The following GDA variants were observed in gnomAD, a reference collection of about 807,000 sequenced individuals.
GDA encodes cytoplasmic PSD-95 interactor.
In GDA, 18 loss-of-function variants were observed where a neutral mutation model predicts 59.6. The ratio of observed to expected loss-of-function variants is 0.30; its 90% CI spans 0.21 to 0.45. The LOEUF is 0.45. Ranked by LOEUF, GDA falls within the 20% of genes least tolerant of loss-of-function variation. GDA has a pLI of 1.00. For synonymous variants in GDA, 201 were observed against 201.1 expected (o/e 1.00, Z 0.00); for missense variants, 427 against 552.3 (o/e 0.77, Z 2.27).
intron 1 of GDA, chr9:72,194,215 A>G (rs1466977097): frequency 1.3e-5 from 2 of 152,168 alleles, no homozygotes; most frequent in East Asian, 1.9e-4. Flanking sequence ...GTCTTGCCCC[A>G]TAGCCACCAC....
chr9:72,218,040 A>AG (rs929848217), intron 5 of GDA, among the ~76,000 whole-genome samples: 7 of 151,768 alleles, frequency 4.6e-5, no homozygotes, highest in African/African-American at 1.7e-4. Context: ...CAGCCTCCCT[A>AG]GTAGCTCGGA....
At chr9:72,128,855 A>G (rs1386255968) in intron 1 of GDA, among the ~76,000 whole-genome samples, 1 of 152,008 alleles carries the variant, frequency 6.6e-6, no homozygotes, top group East Asian at 1.9e-4. Flanking sequence ...ATATACAAAT[A>G]CACTTCTCAG....
In GDA at chr9:72,249,769, G is replaced by A; in HGVS notation, c.*1427G>A. The A allele has an allele frequency of 2.3e-6, 2 of 855,970 alleles. No homozygotes were observed. Among genetic ancestry groups the A allele is most frequent in the South Asian group, 5.4e-5 (1 of 18,540 alleles). 53.0% of individuals were successfully genotyped at this position (855,970 alleles called of 1,614,324 possible). On this transcript the variant is annotated 3_prime_UTR_variant, in exon 14 of 14. Coordinates refer to ENST00000358399, the MANE Select transcript of GDA (RefSeq NM_004293.5). ...ATAACACTCATTCCTAGAGCTTAGG[G>A]GTGACTCTTTAATATTACCTTATAG...
At position 72,149,628 on chromosome 9, in the gene GDA, C is replaced by G. The variant is rs1271032325; in HGVS notation, c.69C>G (p.Thr23=). The G allele has an allele frequency of 2.5e-6, 4 of 1,610,722 alleles. No homozygotes were observed. The highest frequency in any genetic ancestry group is 2.5e-6 in the Non-Finnish European group (3 of 1,178,786). The change falls in exon 1 of 14, where the codon ACC becomes ACG. Residue 23 remains threonine, a synonymous_variant. Transcript: ENST00000358399. Reference sequence around the variant, plus strand: ...GGACGTTCGTCCACTCCACCTGGACCTGCCCCATGGAGGTGCTGCGGGATC... The same window carrying G: ...GGACGTTCGTCCACTCCACCTGGACGTGCCCCATGGAGGTGCTGCGGGATC... ...FRGTFVHSTW[T]CPMEVLRDHL...
intron 1 of GDA, among the ~76,000 whole-genome samples, chr9:72,159,801 T>A (rs530543614): frequency 6.6e-6 from 1 of 152,354 alleles, no homozygotes; most frequent in East Asian, 1.9e-4. Flanking sequence ...ATTTTTATTT[T>A]TGTATTGCTA....
At chr9:72,129,245 G>A (rs1825947264) in intron 1 of GDA, among the ~76,000 whole-genome samples, 1 of 152,138 alleles carries the variant, frequency 6.6e-6, no homozygotes, top group African/African-American at 2.4e-5. Flanking sequence ...TTACAGGCGT[G>A]AGCCACTGTG....
rs771224443 is a variant in GDA, at chr9:72,149,559, C to T, written c.-1C>T. 6.3e-5 allele frequency: 102 copies of T among 1,610,836 alleles called. No homozygotes were observed. The highest frequency in any genetic ancestry group is 8.5e-5 in the Non-Finnish European group (100 of 1,179,184). On this transcript the variant is annotated 5_prime_UTR_variant, in exon 1 of 14. Transcript: ENST00000358399. Reference sequence around the variant, plus strand: ...GACCCGCGCTGCGCTCCGCCGCTGACATGTGTGCCGCTCAGATGCCGCCCC... The same window carrying T: ...GACCCGCGCTGCGCTCCGCCGCTGATATGTGTGCCGCTCAGATGCCGCCCC...
intron 1 of GDA, among the ~76,000 whole-genome samples, chr9:72,159,992 T>C (rs1828408182): frequency 6.6e-6 from 1 of 152,150 alleles, no homozygotes; most frequent in African/African-American, 2.4e-5. Flanking sequence ...ACACTGACCA[T>C]GATCTAGTTC....
intron 11 of GDA, among the ~76,000 whole-genome samples, chr9:72,242,367 G>GA (rs992240571): frequency 1.3e-5 from 2 of 152,074 alleles, no homozygotes; most frequent in Non-Finnish European, 2.9e-5. Flanking sequence ...TATTGTTACG[G>GA]AAAAAAATAA....
Position 72,202,752 on chromosome 9 carries a change from T to A in GDA, c.384+10T>A. On this transcript the variant is annotated intron_variant, in intron 3 of 13. Transcript: ENST00000358399. ...ATATACCAGAGTTGTCGTAAGTATC[T>A]TGTGTGTGAGTGTGGTATTCTGTTT... 6.3e-7 allele frequency: 1 copy of A among 1,596,676 alleles called. No homozygotes were observed. Among genetic ancestry groups the A allele is most frequent in the East Asian group, 2.2e-5 (1 of 44,794 alleles).
At chr9:72,165,263 G>A (rs1012575291) in intron 1 of GDA, among the ~76,000 whole-genome samples, 3 of 152,178 alleles carry the variant, frequency 2.0e-5, no homozygotes, top group African/African-American at 7.2e-5. Context: ...CAAAGCATTG[G>A]CAAATATATG....
At position 72,173,436 on chromosome 9, in the gene GDA, T is replaced by C. The variant is rs1001871013; in HGVS notation, c.124-22064T>C. On this transcript the variant is annotated intron_variant, in intron 1 of 13. Coordinates refer to ENST00000358399, the MANE Select transcript of GDA (RefSeq NM_004293.5). ...GCCTCTGCCTCCTGGGTTCAAGTGA[T>C]TCTCCAGCTTCAGCCTCCTGAGTAG... Among the ~76,000 whole-genome samples the C allele has an allele frequency of 5.3e-5, 8 of 152,146 alleles. No homozygotes were observed. The East Asian group carries it at 1.4e-3, about 26-fold the overall frequency.
chr9:72,214,274 ATTTATT>A lies in GDA; in HGVS notation c.578+293_578+298del, dbSNP rs1215067245. 2.0e-5 allele frequency among the ~76,000 whole-genome samples: 3 copies of A among 150,564 alleles called. No individual in the cohort carries two copies. The East Asian group carries it at 5.8e-4, about 29-fold the overall frequency. ...GCATCTGTCTTTTTATTTATTTTTT[ATTTATT>A]TTTATTTTTTTTTTTTGAGACGGAG... On this transcript the variant is annotated intron_variant, in intron 5 of 13. Coordinates refer to ENST00000358399, the MANE Select transcript of GDA (RefSeq NM_004293.5).
In GDA at chr9:72,223,119, G is replaced by C. The variant is rs207470252; in HGVS notation, c.607-1G>C. The C allele has an allele frequency of 6.7e-7, 1 of 1,483,708 alleles. No homozygotes were observed. The highest frequency in any genetic ancestry group is 9.4e-7 in the Non-Finnish European group (1 of 1,063,118). The allele number at this position is 1,483,708 out of a possible 1,614,324, so 91.9% of individuals were successfully genotyped here. ...TATCAATTGTTTTTAATTATCTCCA[G>C]TATTCTAGAGTGAAGCCCATAGTGA... On this transcript the variant is annotated splice_acceptor_variant, in intron 6 of 13. Coordinates refer to ENST00000358399, the MANE Select transcript of GDA (RefSeq NM_004293.5). LOFTEE classifies it high-confidence loss of function.
chr9:72,173,012 T>C (rs1036517878), intron 1 of GDA, among the ~76,000 whole-genome samples: 5 of 152,192 alleles, frequency 3.3e-5, no homozygotes, highest in African/African-American at 1.2e-4. Flanking sequence ...GTTAAGTGTT[T>C]GTACTTTCCT....
intron 1 of GDA, among the ~76,000 whole-genome samples, chr9:72,181,061 A>G (rs1238016496): frequency 6.6e-6 from 1 of 152,232 alleles, no homozygotes; most frequent in Non-Finnish European, 1.5e-5. Flanking sequence ...TTTTAAAAAT[A>G]GCATTTATTG....
chr9:72,199,102 G>A (rs1178792114), intron 2 of GDA, among the ~76,000 whole-genome samples: 1 of 152,082 alleles, frequency 6.6e-6, no homozygotes, highest in African/African-American at 2.4e-5. Context: ...GTGATGTTGT[G>A]AGTGGAGAAC....
At chr9:72,147,237 C>T (rs1266240094), upstream of GDA, among the ~76,000 whole-genome samples, 1 of 152,156 alleles carries the variant, frequency 6.6e-6, no homozygotes, top group Non-Finnish European at 1.5e-5. Flanking sequence ...GAGACCGAGT[C>T]TTGGTCTGTC....
At chr9:72,211,789 A>G (rs536894703) in intron 4 of GDA, among the ~76,000 whole-genome samples, 33 of 152,302 alleles carry the variant, frequency 2.2e-4, no homozygotes, top group Admixed American at 2.0e-3. Context: ...TAGTTTAACT[A>G]GAGGAGTGGA....
Sources: gnomAD v4.1 joint callset for allele counts (sites outside exome capture counted in the v4.1 genomes callset) on GRCh38, gnomAD v4.1.1 for gene constraint, MANE v1.5 for transcripts, NCBI Gene and HGNC (gene_info 2026-07-23, HGNC 2026-07-21) for gene names.